Variants in IQCH observed in about 807,000 individuals in gnomAD.
IQCH encodes IQ domain-containing protein H.
IQCH carries 98 observed loss-of-function variants against 117.0 expected under a neutral mutation model. The observed-to-expected ratio is 0.84, with a 90% CI of 0.71 to 0.99. The LOEUF is 0.99. Ranked by LOEUF, IQCH falls within the 50% of genes least tolerant of loss-of-function variation. The pLI is 0.00. For missense variants in IQCH, 1,102 were observed against 1,243.8 expected (o/e 0.89, Z 1.72); for synonymous variants, 412 against 448.2 (o/e 0.92, Z 1.02).
In IQCH at chr15:67,458,312, T is replaced by G. The variant is rs1244790394; in HGVS notation, c.2506-6815T>G. ...TCAGGGTGGAAGTTTTGGAGACACC[T>G]TTGGCTCCTTTTTCTCATACTGCAC... On this transcript the variant is annotated intron_variant, in intron 16 of 20. Coordinates refer to ENST00000335894, the MANE Select transcript of IQCH (RefSeq NM_001031715.3). This position sits in a 1 kb window ranked among gnomAD's most constrained non-coding sequence, Gnocchi z 4.1. 1.3e-4 allele frequency among the ~76,000 whole-genome samples: 20 copies of G among 152,350 alleles called. No individual in the cohort carries two copies. The highest frequency in any genetic ancestry group is 5.8e-4 in the East Asian group (3 of 5,186).
chr15:67,471,986 C>A (rs1395694785), intron 17 of IQCH, among the ~76,000 whole-genome samples: 2 of 152,144 alleles, frequency 1.3e-5, no homozygotes, highest in Non-Finnish European at 2.9e-5. Flanking sequence ...CCTTGAGGAG[C>A]TGAAAAGAAA....
chr15:67,462,159 C>T (rs952591381), intron 16 of IQCH, among the ~76,000 whole-genome samples: 9 of 149,902 alleles, frequency 6.0e-5, no homozygotes, highest in Admixed American at 2.0e-4. Flanking sequence ...AGGTTGGGCG[C>T]GGTGGCTCAT....
chr15:67,367,081 A>C (rs140847626), intron 8 of IQCH, among the ~76,000 whole-genome samples: 67 of 152,256 alleles, frequency 4.4e-4, no homozygotes, highest in Middle Eastern at 3.4e-3. Flanking sequence ...GTGATCTCTT[A>C]ATGGAAACTG....
intron 4 of IQCH, among the ~76,000 whole-genome samples, chr15:67,314,484 G>GAAA (rs11343033): frequency 1.4e-3 from 189 of 136,226 alleles, no homozygotes; most frequent in South Asian, 2.6e-3. Context: ...TGTGCTAAAT[G>GAAA]AAAAAAAAAA....
intron 18 of IQCH, among the ~76,000 whole-genome samples, chr15:67,489,553 C>T (rs1420689802): frequency 1.8e-5 from 1 of 55,668 alleles, no homozygotes; most frequent in Admixed American, 1.8e-4. Flanking sequence ...CGGGTTCAAG[C>T]GATTCTCCCG....
rs751053567 is a variant in IQCH at position 67,337,024 on chromosome 15, T to C, written c.437T>C (p.Val146Ala). The C allele has an allele frequency of 6.2e-6, 10 of 1,613,630 alleles. No individual in the cohort carries two copies. The highest frequency in any genetic ancestry group is 2.2e-5 in the East Asian group (1 of 44,872). The stretch of plus-strand genomic sequence containing the variant: ...GGGTCTAACATATCCAGCCTCACGG[T>C]TCTGCCATCTTCTCATTGCACAGAT... ...IKGSNISSLT[V>A]LPSSHCTDPY... is the part of the protein sequence containing the mutation. The change falls in exon 5 of 21, where the codon GTT becomes GCT. Residue 146 changes from valine (V) to alanine (A), a missense_variant. Val to Ala is a moderately conservative substitution (Grantham distance 64). Transcript: ENST00000335894.
At chr15:67,492,723 CAG>C (rs1271007046) in intron 19 of IQCH, among the ~76,000 whole-genome samples, 3 of 152,076 alleles carry the variant, frequency 2.0e-5, no homozygotes, top group Admixed American at 6.6e-5. Flanking sequence ...TGGGATGAGA[CAG>C]GGGTAGTATC....
At position 67,491,456 on chromosome 15, in the gene IQCH, T is replaced by TAA. The variant is rs2083651650; in HGVS notation, c.2861+1393_2861+1394insAA. The stretch of plus-strand genomic sequence containing the variant: ...TGTGGCTACAATTTAATCTGGCACT[T>TAA]ACAGTCTCAGATGCTTCCCATCACC... On this transcript the variant is annotated intron_variant, in intron 19 of 20. Coordinates refer to ENST00000335894, the MANE Select transcript of IQCH (RefSeq NM_001031715.3). This position sits in a 1 kb window ranked among gnomAD's most constrained non-coding sequence, Gnocchi z 4.9. Among the ~76,000 whole-genome samples, 1 of 152,186 alleles carries TAA rather than the reference T, an allele frequency of 6.6e-6. No individual in the cohort carries two copies. The highest frequency in any genetic ancestry group is 2.4e-5 in the African/African-American group (1 of 41,444).
intron 4 of IQCH, among the ~76,000 whole-genome samples, chr15:67,325,047 A>C (rs889880475): frequency 2.6e-5 from 4 of 152,048 alleles, no homozygotes; most frequent in Non-Finnish European, 5.9e-5. Context: ...CTTCAATTAC[A>C]TGCAGATTAT....
rs966814401 is a variant in IQCH, at chr15:67,285,391, T to A, written c.387+5879T>A. 2.0e-5 allele frequency among the ~76,000 whole-genome samples: 3 copies of A among 152,064 alleles called. No homozygotes were observed. The East Asian group carries it at 5.8e-4, about 29-fold the overall frequency. On this transcript the variant is annotated intron_variant, in intron 4 of 20. Transcript: ENST00000335894. ...CGAAAATTTTCTCCCATTCTGTAGG[T>A]TGTCTGTTTATTTTGTTGATAGTTT...
intron 4 of IQCH, among the ~76,000 whole-genome samples, chr15:67,329,035 A>C (rs1353665229): frequency 6.6e-6 from 1 of 152,172 alleles, no homozygotes. Flanking sequence ...ATGGTGGCTC[A>C]CACTTGTAAT....
At chr15:67,310,947 A>G (rs1484528186) in intron 4 of IQCH, among the ~76,000 whole-genome samples, 1 of 152,098 alleles carries the variant, frequency 6.6e-6, no homozygotes, top group Admixed American at 6.6e-5. Flanking sequence ...TTTGAAAAAT[A>G]TTTTTGGTAA....
At position 67,393,964 on chromosome 15, in the gene IQCH, C is replaced by T. The variant is rs1971372120; in HGVS notation, c.1633-1327C>T. 6.6e-6 allele frequency among the ~76,000 whole-genome samples: 1 copy of T among 152,036 alleles called. No individual in the cohort carries two copies. The highest frequency in any genetic ancestry group is 2.4e-5 in the African/African-American group (1 of 41,390). On this transcript the variant is annotated intron_variant, in intron 12 of 20. Transcript: ENST00000335894. The surrounding 1 kb of genome is among the most constrained non-coding windows in gnomAD (Gnocchi z 5.5). The stretch of plus-strand genomic sequence containing the variant: ...CCCCAGCAAATGGGTAATTTTTATT[C>T]TTATCTAACAGGTGAAGAAATAGGC...
At chr15:67,418,509 G>C (rs1479673142) in intron 15 of IQCH, among the ~76,000 whole-genome samples, 1 of 37,398 alleles carries the variant, frequency 2.7e-5, no homozygotes, top group East Asian at 5.2e-4. Flanking sequence ...AAATCAAGTG[G>C]CTACCACACA....
At position 67,400,192 on chromosome 15, in the gene IQCH, C is replaced by T. The variant is rs920833123; in HGVS notation, c.1984C>T (p.Arg662Ter). The T allele has an allele frequency of 5.6e-6, 9 of 1,613,540 alleles. No homozygotes were observed. The highest frequency in any genetic ancestry group is 1.6e-4 in the Middle Eastern group (1 of 6,078). Residue 662 changes from arginine to a stop codon, truncating the protein, a stop_gained, in exon 14 of 21, where the codon CGA (arginine) becomes TGA (stop). Coordinates refer to ENST00000335894, the MANE Select transcript of IQCH (RefSeq NM_001031715.3). LOFTEE classifies it high-confidence loss of function. ...GCTCTTTAAAATGGACTCTGAGTTC[C>T]GAGGAAATGGGACTGCATTTTGTGA... ...RWLFKMDSEF[R>*]GNGTAFCDIP... is the part of the protein sequence containing the mutation.
intron 3 of IQCH, among the ~76,000 whole-genome samples, chr15:67,264,406 C>T (rs916638812): frequency 6.6e-6 from 1 of 152,176 alleles, no homozygotes; most frequent in Non-Finnish European, 1.5e-5. Flanking sequence ...TCACAGGCTG[C>T]AATATAAGTA....
chr15:67,423,318 C>G (rs536584245), intron 16 of IQCH, among the ~76,000 whole-genome samples: 3 of 152,120 alleles, frequency 2.0e-5, no homozygotes, highest in African/African-American at 7.2e-5. Flanking sequence ...GTAATCCCAG[C>G]ACTTTGGGAG....
chr15:67,364,215 ATC>A lies in IQCH; in HGVS notation c.753+4332_753+4333del, dbSNP rs1432528898. On this transcript the variant is annotated intron_variant, in intron 8 of 20. Transcript: ENST00000335894. This position sits in a 1 kb window ranked among gnomAD's most constrained non-coding sequence, Gnocchi z 4.1. ...CCCTTTTCTCTGCAACCTCACCAGC[ATC>A]TGTTATTTTTTGACCTTTTTATAAT... 6.6e-6 allele frequency among the ~76,000 whole-genome samples: 1 copy of A among 152,216 alleles called. No individual in the cohort carries two copies. Among genetic ancestry groups the A allele is most frequent in the Admixed American group, 6.5e-5 (1 of 15,272 alleles).
intron 20 of IQCH, among the ~76,000 whole-genome samples, chr15:67,495,989 G>C (rs937821449): frequency 6.6e-6 from 1 of 152,164 alleles, no homozygotes; most frequent in Non-Finnish European, 1.5e-5. Context: ...TTTAAACAAG[G>C]ATTTACCAGC....
Sources: allele counts gnomAD v4.1 joint callset (sites outside exome capture counted in the v4.1 genomes callset), GRCh38; gene constraint gnomAD v4.1.1; non-coding constraint Gnocchi (gnomAD v3.1); transcripts MANE v1.5; gene names NCBI Gene and HGNC (gene_info 2026-07-23, HGNC 2026-07-21).